The following LNPK variants were observed in gnomAD, a reference collection of about 807,000 sequenced individuals.
LNPK encodes the protein endoplasmic reticulum junction formation protein lunapark.
LNPK carries 29 observed loss-of-function variants against 55.2 expected under a neutral mutation model. The observed-to-expected ratio is 0.53, with a 90% CI of 0.39 to 0.72. The LOEUF is 0.72. Among genes scored for constraint, LNPK ranks in the 30% least tolerant of loss-of-function variants. LNPK has a pLI of 0.00. For synonymous variants in LNPK, 162 were observed against 168.2 expected, an observed-to-expected ratio of 0.96 and a Z score of 0.29; for missense variants, 467 against 494.8, an observed-to-expected ratio of 0.94 and a Z score of 0.53.
chr2:176,002,627 G>A, upstream of LNPK: 2 of 186,100 alleles, frequency 1.1e-5, no homozygotes. Context: ...GAGTGGGGAG[G>A]ACAAAGGTTG....
At chr2:175,939,043 G>A (rs1263701599) in intron 10 of LNPK, among the ~76,000 whole-genome samples, 5 of 151,962 alleles carry the variant, frequency 3.3e-5, no homozygotes. Flanking sequence ...TTAATTAGGA[G>A]CGCTGTCAAA....
In LNPK at chr2:175,929,474, T is replaced by C; in HGVS notation, c.*493A>G. 1 of 989,718 alleles carries C rather than the reference T, an allele frequency of 1.0e-6. No individual in the cohort carries two copies. The highest frequency in any genetic ancestry group is 1.2e-6 in the Non-Finnish European group (1 of 832,550). 61.3% of individuals were successfully genotyped at this position (989,718 alleles called of 1,614,324 possible). A position where few individuals can be genotyped will look rare whatever the true frequency, so the allele number is the denominator to read the frequency against. On this transcript the variant is annotated 3_prime_UTR_variant, in exon 13 of 13. Transcript: ENST00000272748. Reference sequence around the variant, plus strand: ...ATGTGGTAACAACTTTCATACCGCTTAATGTAAACACCTAAATAGACATTT... The same window carrying C: ...ATGTGGTAACAACTTTCATACCGCTCAATGTAAACACCTAAATAGACATTT...
intron 12 of LNPK, among the ~76,000 whole-genome samples, chr2:175,936,576 A>T (rs903412321): frequency 2.6e-5 from 4 of 152,152 alleles, no homozygotes; most frequent in Non-Finnish European, 5.9e-5. Context: ...TAATTGTGGC[A>T]ATCTTCATAA....
intron 6 of LNPK, among the ~76,000 whole-genome samples, chr2:175,965,881 T>C (rs914673308): frequency 2.6e-5 from 4 of 151,558 alleles, no homozygotes; most frequent in South Asian, 4.2e-4. Context: ...ACATGGAATA[T>C]CAAAGAAGCA....
At chr2:175,983,368 C>A (rs1687263236) in intron 4 of LNPK, among the ~76,000 whole-genome samples, 1 of 152,206 alleles carries the variant, frequency 6.6e-6, no homozygotes, top group Non-Finnish European at 1.5e-5. Context: ...AACAAATTCA[C>A]ACACAAAATC....
chr2:175,942,649 C>G (rs1220460035), intron 9 of LNPK, among the ~76,000 whole-genome samples: 5 of 151,026 alleles, frequency 3.3e-5, no homozygotes, highest in Non-Finnish European at 7.4e-5. Flanking sequence ...GAAAAAAAAT[C>G]AAAATTTATA....
chr2:175,939,786 T>C (rs1205950602), intron 9 of LNPK, 129 bp from the exon 10 acceptor site: 1 of 503,598 alleles, frequency 2.0e-6, no homozygotes, highest in Non-Finnish European at 3.5e-6. Context: ...AAAATACTAA[T>C]TCTTATAAAT....
chr2:175,998,037 C>T (rs948053802), intron 1 of LNPK, among the ~76,000 whole-genome samples: 2 of 151,946 alleles, frequency 1.3e-5, no homozygotes, highest in Non-Finnish European at 2.9e-5. Context: ...GGCACCACGC[C>T]CGGCCCAAAT....
chr2:175,966,711 G>T (rs1686374357), intron 6 of LNPK, among the ~76,000 whole-genome samples: 1 of 152,104 alleles, frequency 6.6e-6, no homozygotes, highest in Admixed American at 6.6e-5. Flanking sequence ...GTAATAATAT[G>T]TTTTAAATAC....
Position 175,929,570 on chromosome 2 carries a change from C to T in LNPK, c.*397G>A. On this transcript the variant is annotated 3_prime_UTR_variant, in exon 13 of 13. Coordinates refer to ENST00000272748, the MANE Select transcript of LNPK (RefSeq NM_030650.3). ...AATAATGAAGTAGTCAAAATCTTAA[C>T]CAAGTTTCATTCCTTAAAACAAACA... 8 of 995,436 alleles carry T rather than the reference C, an allele frequency of 8.0e-6. No individual in the cohort carries two copies. The highest frequency in any genetic ancestry group is 9.6e-6 in the Non-Finnish European group (8 of 836,226). The allele number at this position is 995,436 out of a possible 1,614,324, so 61.7% of individuals were successfully genotyped here.
chr2:175,971,529 T>G (rs1443676680), intron 5 of LNPK, among the ~76,000 whole-genome samples: 1 of 152,168 alleles, frequency 6.6e-6, no homozygotes, highest in African/African-American at 2.4e-5. Context: ...GCTTGAATAT[T>G]ATCAAATGAA....
intron 8 of LNPK, among the ~76,000 whole-genome samples, chr2:175,949,384 C>A: frequency 6.6e-6 from 1 of 152,096 alleles, no homozygotes; most frequent in Admixed American, 6.6e-5. Context: ...TCAATAAAAT[C>A]ATATTAGGAT....
chr2:175,997,705 CTG>C (rs35147185), intron 1 of LNPK, among the ~76,000 whole-genome samples: 30,176 of 143,998 alleles, frequency 0.21, 3,490 homozygotes, highest in Non-Finnish European at 0.28. Flanking sequence ...AACAAATGCT[CTG>C]TGTGTGTGTG....
At chr2:175,963,276 T>C (rs1686152504) in intron 8 of LNPK, among the ~76,000 whole-genome samples, 1 of 152,210 alleles carries the variant, frequency 6.6e-6, no homozygotes, top group Non-Finnish European at 1.5e-5. Flanking sequence ...TGCGGCATTA[T>C]TCACAATAGC....
intron 4 of LNPK, among the ~76,000 whole-genome samples, chr2:175,984,823 C>T (rs911010599): frequency 6.6e-6 from 1 of 152,182 alleles, no homozygotes; most frequent in Non-Finnish European, 1.5e-5. Flanking sequence ...ATAAAACTAA[C>T]ATGTACTTAC....
chr2:175,950,013 A>C (rs1172322901), intron 8 of LNPK, among the ~76,000 whole-genome samples: 1 of 152,088 alleles, frequency 6.6e-6, no homozygotes, highest in Non-Finnish European at 1.5e-5. Flanking sequence ...GATATGTTCA[A>C]CATTTCCTGC....
intron 1 of LNPK, 70 bp from the exon 2 acceptor site, chr2:175,995,716 C>T: frequency 3.6e-6 from 2 of 550,850 alleles, no homozygotes; most frequent in South Asian, 2.4e-5. Context: ...TGTTGCAATA[C>T]TGCCTAAAAA....
At position 175,938,528 on chromosome 2, in the gene LNPK, A is replaced by G. The variant is rs564669451; in HGVS notation, c.813-145T>C. ...TTATATGAGACTTAGTAAACAACAA[A>G]CAATATTCATTAAATAAAAGCCAAA... On this transcript the variant is annotated intron_variant, in intron 10 of 12. Transcript: ENST00000272748. 1.2e-5 allele frequency: 5 copies of G among 433,404 alleles called. No homozygotes were observed. In the South Asian group the frequency reaches 4.2e-4, roughly 37 times the overall value. 26.8% of individuals were successfully genotyped at this position (433,404 alleles called of 1,614,324 possible).
At chr2:176,000,248 C>T (rs945525174) in intron 1 of LNPK, among the ~76,000 whole-genome samples, 13 of 152,188 alleles carry the variant, frequency 8.5e-5, no homozygotes, top group African/African-American at 3.1e-4. Flanking sequence ...CAAAATATGG[C>T]TCAACCACAT....
Sources: gnomAD v4.1 joint callset for allele counts (sites outside exome capture counted in the v4.1 genomes callset) on GRCh38, gnomAD v4.1.1 for gene constraint, MANE v1.5 for transcripts, NCBI Gene and HGNC (gene_info 2026-07-23, HGNC 2026-07-21) for gene names.